Variants in ABCA7 observed in about 807,000 individuals in gnomAD.
The protein encoded by ABCA7 is ATP binding cassette subfamily A member 7, also known as phospholipid-transporting ATPase ABCA7.
ABCA7 carries 261 observed loss-of-function variants against 227.6 expected under a neutral mutation model. The ratio of observed to expected loss-of-function variants is 1.15; its 90% CI spans 1.04 to 1.27. ABCA7 has a LOEUF of 1.27. ABCA7 is among the 50% of genes most tolerant of loss of function. The probability of loss-of-function intolerance (pLI) is 0.00; values close to 1 mark genes in which losing one functional copy is unlikely to be tolerated. For synonymous variants in ABCA7, 1,488 were observed against 1,279.7 expected (o/e 1.16, Z -3.47); for missense variants, 3,331 against 2,924.5 (o/e 1.14, Z -3.21).
chr19:1,056,214 C>T lies in ABCA7; in HGVS notation c.4387C>T (p.His1463Tyr). 1 of 1,601,828 alleles carries T rather than the reference C, an allele frequency of 6.2e-7. No homozygotes were observed. The highest frequency in any genetic ancestry group is 1.1e-5 in the South Asian group (1 of 90,012). The change falls in exon 32 of 47, where the codon CAC becomes TAC. Residue 1463 changes from histidine to tyrosine, a missense_variant. Coordinates refer to ENST00000263094, the MANE Select transcript of ABCA7 (RefSeq NM_019112.4). This position sits in a 1 kb window ranked among gnomAD's most constrained non-coding sequence, Gnocchi z 4.3. Reference sequence around the variant, plus strand: ...CCTGAAAAACCTCACAGCCTGGGCTCACAGCCTGGATGCTCAGGACAGTCT... The same window carrying T: ...CCTGAAAAACCTCACAGCCTGGGCTTACAGCCTGGATGCTCAGGACAGTCT... Reference protein sequence around the residue: ...RVLKNLTAWAHSLDAQDSLKI... With the variant: ...RVLKNLTAWAYSLDAQDSLKI...
rs976443242 is a variant in ABCA7 at position 1,041,289 on chromosome 19, C to G, written c.-73C>G. 1 of 1,490,162 alleles carries G rather than the reference C, an allele frequency of 6.7e-7. No individual in the cohort carries two copies. Among genetic ancestry groups the G allele is most frequent in the Non-Finnish European group, 9.3e-7 (1 of 1,070,134 alleles). The allele number at this position is 1,490,162 out of a possible 1,614,324, so 92.3% of individuals were successfully genotyped here. A position where few individuals can be genotyped will look rare whatever the true frequency, so the allele number is the denominator to read the frequency against. On this transcript the variant is annotated 5_prime_UTR_variant, in exon 2 of 47. Coordinates refer to ENST00000263094, the MANE Select transcript of ABCA7 (RefSeq NM_019112.4). Reference sequence around the variant, plus strand: ...GTTCAGAAAGGGGCAGGGAGTTGCCCGCAGCCGCACCGCACGTCTTCAGCC... The same window carrying G: ...GTTCAGAAAGGGGCAGGGAGTTGCCGGCAGCCGCACCGCACGTCTTCAGCC...
Position 1,047,344 on chromosome 19 carries a change from G to A in ABCA7, c.2033G>A (p.Arg678Gln). The change falls in exon 15 of 47, where the codon CGG becomes CAG. Residue 678 changes from arginine (R) to glutamine (Q), a missense_variant. Transcript: ENST00000263094. ...YLPYVLCVAW[R>Q]DRLPAGGRVA... Reference sequence around the variant, plus strand: ...CCCTACGTGCTGTGTGTGGCTTGGCGGGACCGGCTGCCCGCGGGTGGCCGC... The same window carrying A: ...CCCTACGTGCTGTGTGTGGCTTGGCAGGACCGGCTGCCCGCGGGTGGCCGC... The A allele has an allele frequency of 1.9e-6, 3 of 1,583,028 alleles. No individual in the cohort carries two copies. The highest frequency in any genetic ancestry group is 2.6e-6 in the Non-Finnish European group (3 of 1,169,460).
rs114506298 is a variant in ABCA7 at position 1,058,552 on chromosome 19, A to G, written c.5150-66A>G. 1.1e-3 allele frequency: 1,755 copies of G among 1,595,826 alleles called. 23 individuals are homozygous for G. The African/African-American group carries it at 0.02, about 18-fold the overall frequency. On this transcript the variant is annotated intron_variant, in intron 37 of 46. Transcript: ENST00000263094. ...CTTTCCCTTAAGAATCCAGAGTGAC[A>G]TGGATGGAGAAAGGGCCAGAAACCA...
Position 1,046,403 on chromosome 19 carries a change from AC to A in ABCA7, c.1620del (p.Asp540GlufsTer7), listed in dbSNP as rs769144277. On this transcript the variant is annotated frameshift_variant and splice_region_variant, in exon 13 of 47. Coordinates refer to ENST00000263094, the MANE Select transcript of ABCA7 (RefSeq NM_019112.4). LOFTEE classifies it high-confidence loss of function. Reference sequence around the variant, plus strand: ...ATGCCCTATCCGTGCTATGTGGACGACGTGTGAGCTCTGGCACCCCTCCCCG... The same window carrying A: ...ATGCCCTATCCGTGCTATGTGGACGAGTGTGAGCTCTGGCACCCCTCCCCG... The part of the protein sequence containing the change: ...QQMPYPCYVD[D>X]VFLRVLSRSL... 1.3e-6 allele frequency: 2 copies of A among 1,545,392 alleles called. No individual in the cohort carries two copies. Among genetic ancestry groups the A allele is most frequent in the East Asian group, 4.5e-5 (2 of 43,990 alleles).
Position 1,063,621 on chromosome 19 carries a change from C to A in ABCA7, c.5790C>A (p.Asn1930Lys), listed in dbSNP as rs2042833624. The A allele has an allele frequency of 6.2e-7, 1 of 1,611,436 alleles. No individual in the cohort carries two copies. Among genetic ancestry groups the A allele is most frequent in the African/African-American group, 1.3e-5 (1 of 75,056 alleles). Reference sequence around the variant, plus strand: ...CTGCAGGCACCTACAGCGGAGGGAACAAACGCAAGCTGGCGACGGCCCTGG... The same window carrying A: ...CTGCAGGCACCTACAGCGGAGGGAAAAAACGCAAGCTGGCGACGGCCCTGG... The part of the protein sequence containing the change: ...DRPAGTYSGG[N>K]KRKLATALAL... The change falls in exon 43 of 47, where the codon AAC (asparagine) becomes AAA (lysine). Residue 1930 changes from asparagine to lysine, a missense_variant. Physicochemically the swap from Asn to Lys is moderately conservative, Grantham distance 94. Coordinates refer to ENST00000263094, the MANE Select transcript of ABCA7 (RefSeq NM_019112.4).
chr19:1,054,778 A>C lies in ABCA7; in HGVS notation c.3852-2A>C, dbSNP rs370482193. The stretch of plus-strand genomic sequence containing the variant: ...TGACCCTACATCTCCCCTCACACAC[A>C]GTGAGGACGCCCCAGGGGACCCTGG... On this transcript the variant is annotated splice_acceptor_variant, in intron 28 of 46. Transcript: ENST00000263094. LOFTEE classifies it high-confidence loss of function. The surrounding 1 kb of genome is among the most constrained non-coding windows in gnomAD (Gnocchi z 4.8). The C allele has an allele frequency of 1.2e-5, 20 of 1,604,232 alleles. No individual in the cohort carries two copies. The highest frequency in any genetic ancestry group is 6.8e-5 in the Admixed American group (4 of 58,622).
Position 1,055,473 on chromosome 19 carries a change from G to A in ABCA7, c.4205+122G>A, listed in dbSNP as rs2042164137. The A allele has an allele frequency of 4.9e-6, 6 of 1,216,350 alleles. No individual in the cohort carries two copies. In the Admixed American group the frequency reaches 1.9e-4, roughly 38 times the overall value. The allele number at this position is 1,216,350 out of a possible 1,614,324, so 75.3% of individuals were successfully genotyped here. On this transcript the variant is annotated intron_variant, in intron 30 of 46. Coordinates refer to ENST00000263094, the MANE Select transcript of ABCA7 (RefSeq NM_019112.4). ...GATGCCCAGCTTGGGGCTACGGGCT[G>A]GGAGTCTCGCGTACCTTCCTTTCCT...
intron 30 of ABCA7, among the ~76,000 whole-genome samples, chr19:1,055,619 C>T (rs2042184618): frequency 6.6e-6 from 1 of 150,576 alleles, no homozygotes; most frequent in Non-Finnish European, 1.5e-5. Flanking sequence ...TCTCCTCCCT[C>T]AGCCTCCCGA....
In ABCA7 at chr19:1,064,888, T is replaced by C. The variant is rs2042942997; in HGVS notation, c.6045-43T>C. The C allele has an allele frequency of 2.6e-6, 4 of 1,537,060 alleles. No individual in the cohort carries two copies. In the African/African-American group the frequency reaches 5.5e-5, roughly 21 times the overall value. ...CTGGAGGGTGAGCTGAGGTGGGACC[T>C]GGGAAAGGCCCGATCCGGTAGCCCT... On this transcript the variant is annotated intron_variant, in intron 45 of 46. Transcript: ENST00000263094.
chr19:1,043,566 C>A, intron 9 of ABCA7, 93 bp downstream of exon 9: 1 of 1,594,690 alleles, frequency 6.3e-7, no homozygotes, highest in Non-Finnish European at 8.6e-7. Context: ...GCCGGAGGGT[C>A]ACGGAAACTA....
At chr19:1,046,195 C>G in intron 12 of ABCA7, 35 bp from the exon 13 acceptor site, 1 of 1,599,188 alleles carries the variant, frequency 6.3e-7, no homozygotes, top group Non-Finnish European at 8.5e-7. Context: ...GTTTCTAGCC[C>G]TTCCCTACAA....
intron 35 of ABCA7, 25 bp from the exon 36 acceptor site, chr19:1,057,890 C>T: frequency 6.2e-7 from 1 of 1,613,652 alleles, no homozygotes; most frequent in Non-Finnish European, 8.5e-7. Context: ...AGTGGTTACT[C>T]CAGTGACTCC....
Position 1,043,163 on chromosome 19 carries a change from G to C in ABCA7, c.702G>C (p.Val234=), listed in dbSNP as rs1265861228. The C allele has an allele frequency of 1.2e-6, 2 of 1,611,612 alleles. No homozygotes were observed. The highest frequency in any genetic ancestry group is 1.7e-6 in the Non-Finnish European group (2 of 1,179,034). The change falls in exon 8 of 47, where the codon GTG becomes GTC. Residue 234 remains valine, a synonymous_variant. Coordinates refer to ENST00000263094, the MANE Select transcript of ABCA7 (RefSeq NM_019112.4). ...GTGTCAGGGGACCTAGCAGCACAGT[G>C]GGCCCCTCCCTCAACTGGTACGAGG... The part of the protein sequence containing the change: ...LCSVRGPSST[V]GPSLNWYEAS...
chr19:1,058,358 A>G (rs2042427688), intron 37 of ABCA7, 89 bp downstream of exon 37: 5 of 1,540,070 alleles, frequency 3.2e-6, no homozygotes, highest in East Asian at 2.3e-5. Context: ...GGAGAAAAAC[A>G]GCCCCCCAGG....
chr19:1,052,277 A>C lies in ABCA7; in HGVS notation c.3211A>C (p.Ser1071Arg), dbSNP rs1208512794. The C allele has an allele frequency of 6.5e-7, 1 of 1,532,542 alleles. No homozygotes were observed. Among genetic ancestry groups the C allele is most frequent in the Non-Finnish European group, 8.8e-7 (1 of 1,140,424 alleles). The allele number at this position is 1,532,542 out of a possible 1,614,324, so 94.9% of individuals were successfully genotyped here. The stretch of plus-strand genomic sequence containing the variant: ...GGAAAAGAAGAATGGCAGCCAGGGC[A>C]GCAGAGTCGGTGAGGGCCGGGGTGG... Reference protein sequence around the residue: ...RQEKKNGSQGSRVGTPQLLAL... With the variant: ...RQEKKNGSQGRRVGTPQLLAL... The change falls in exon 23 of 47, where the codon AGC becomes CGC. Residue 1071 changes from serine to arginine, a missense_variant. Transcript: ENST00000263094.
chr19:1,061,687 A>G, intron 40 of ABCA7, 95 bp from the exon 41 acceptor site: 1 of 1,225,416 alleles, frequency 8.2e-7, no homozygotes, highest in East Asian at 2.6e-5. Context: ...AAACAAGAGC[A>G]AAACTTGGTC....
At chr19:1,042,563 C>CAGAG (rs772898136) in intron 6 of ABCA7, 166 bp downstream of exon 6, 1 of 1,040,630 alleles carries the variant, frequency 9.6e-7, no homozygotes. Flanking sequence ...CAGAGTGTGT[C>CAGAG]TGACCCAGTG....
intron 42 of ABCA7, 114 bp from the exon 43 acceptor site, chr19:1,063,430 G>GC: frequency 1.4e-6 from 2 of 1,427,188 alleles, no homozygotes; most frequent in Non-Finnish European, 1.9e-6. Flanking sequence ...CATTTGCCCT[G>GC]CCCCATGCCC....
Position 1,061,840 on chromosome 19 carries a change from C to CG in ABCA7, c.5527dup (p.Asp1843GlyfsTer38). The CG allele has an allele frequency of 6.2e-7, 1 of 1,604,192 alleles. No individual in the cohort carries two copies. Among genetic ancestry groups the CG allele is most frequent in the South Asian group, 1.1e-5 (1 of 89,628 alleles). ...AAGACGTCCACGTTTCGCATGGTGA[C>CG]GGGGGACACATTGGCCAGCAGGGGC... On this transcript the variant is annotated frameshift_variant, in exon 41 of 47. Coordinates refer to ENST00000263094, the MANE Select transcript of ABCA7 (RefSeq NM_019112.4). LOFTEE classifies it high-confidence loss of function.
Sources: gnomAD v4.1 joint callset for allele counts (sites outside exome capture counted in the v4.1 genomes callset) on GRCh38, gnomAD v4.1.1 for gene constraint, Gnocchi (gnomAD v3.1) non-coding constraint, MANE v1.5 for transcripts, NCBI Gene and HGNC (gene_info 2026-07-23, HGNC 2026-07-21) for gene names.